SUSD1: variants seen among roughly 807,000 people sequenced by gnomAD.
SUSD1 encodes the protein sushi domain containing 1.
Under a neutral mutation model 86.9 loss-of-function variants are expected in SUSD1, and 65 were observed. The observed-to-expected ratio is 0.75, with a 90% CI of 0.61 to 0.92. The LOEUF is 0.92. Ranked by LOEUF, SUSD1 falls within the 40% of genes least tolerant of loss-of-function variation. The pLI is 0.00. For missense variants in SUSD1, 850 were observed against 929.7 expected (o/e 0.91, Z 1.11); for synonymous variants, 346 against 350.0 (o/e 0.99, Z 0.13).
intron 5 of SUSD1, among the ~76,000 whole-genome samples, chr9:112,125,268 A>C (rs1831723980): frequency 6.6e-6 from 1 of 152,216 alleles, no homozygotes; most frequent in Admixed American, 6.5e-5. Context: ...TAATCGTTTA[A>C]ATGTGACTGT....
chr9:112,135,556 T>C (rs1043321759), intron 5 of SUSD1, among the ~76,000 whole-genome samples: 2 of 152,252 alleles, frequency 1.3e-5, no homozygotes, highest in Non-Finnish European at 2.9e-5. Flanking sequence ...GAGCTGCATA[T>C]GAATATTTCT....
intron 6 of SUSD1, among the ~76,000 whole-genome samples, chr9:112,117,922 G>A (rs1831395848): frequency 1.3e-5 from 2 of 152,206 alleles, no homozygotes; most frequent in Non-Finnish European, 2.9e-5. Context: ...CTACAGTGAA[G>A]TGGGGGTGTT....
chr9:112,145,139 A>C (rs1227749057), intron 3 of SUSD1, among the ~76,000 whole-genome samples: 2 of 152,186 alleles, frequency 1.3e-5, no homozygotes, highest in Non-Finnish European at 2.9e-5. Flanking sequence ...TGGAGAAAAC[A>C]AAAAAGCACC....
At chr9:112,155,945 A>C (rs1185944268) in intron 2 of SUSD1, among the ~76,000 whole-genome samples, 1 of 150,336 alleles carries the variant, frequency 6.7e-6, no homozygotes, top group African/African-American at 2.4e-5. Context: ...GAGAAGGAGG[A>C]AGGATGGAAG....
At position 112,143,480 on chromosome 9, in the gene SUSD1, A is replaced by G. The variant is rs1832671960; in HGVS notation, c.517T>C (p.Ser173Pro). The G allele has an allele frequency of 1.5e-5, 25 of 1,613,160 alleles. No homozygotes were observed. Among genetic ancestry groups the G allele is most frequent in the Non-Finnish European group, 1.9e-5 (23 of 1,179,762 alleles). The change falls in exon 4 of 17, where the codon TCA (serine) becomes CCA (proline). Residue 173 changes from serine (S) to proline (P), a missense_variant. Coordinates refer to ENST00000374270, the MANE Select transcript of SUSD1 (RefSeq NM_022486.5). Reference sequence around the variant, plus strand: ...TTTGGCAGAAACCCACCTGTGCATGATGTGGCATCGGTGGTCGGGTGGAAA... The same window carrying G: ...TTTGGCAGAAACCCACCTGTGCATGGTGTGGCATCGGTGGTCGGGTGGAAA... The part of the protein sequence containing the change: ...EPFHPTTDAT[S>P]CTEIDCGTPP...
At chr9:112,047,864 C>T (rs1173397651) in intron 15 of SUSD1, among the ~76,000 whole-genome samples, 1 of 152,184 alleles carries the variant, frequency 6.6e-6, no homozygotes, top group African/African-American at 2.4e-5. Flanking sequence ...GTACTATGCT[C>T]TTGAACTTCC....
At chr9:112,079,656 T>C (rs1370146732) in intron 11 of SUSD1, among the ~76,000 whole-genome samples, 2 of 151,646 alleles carry the variant, frequency 1.3e-5, no homozygotes, top group Non-Finnish European at 2.9e-5. Flanking sequence ...AGGCTGGGGT[T>C]CAGTGGCGCG....
At chr9:112,143,675 A>G in intron 3 of SUSD1, 52 bp from the exon 4 acceptor site, 1 of 1,541,756 alleles carries the variant, frequency 6.5e-7, no homozygotes, top group Non-Finnish European at 8.7e-7. Context: ...AAAAAAGAAA[A>G]AAAAAAGGAG....
chr9:112,101,223 A>G (rs1179529809), intron 9 of SUSD1, among the ~76,000 whole-genome samples: 1 of 152,022 alleles, frequency 6.6e-6, no homozygotes, highest in Non-Finnish European at 1.5e-5. Flanking sequence ...TCAGCAGGGC[A>G]TAGTGGTGCA....
At chr9:112,048,495 C>T (rs1828051601) in intron 15 of SUSD1, among the ~76,000 whole-genome samples, 2 of 152,102 alleles carry the variant, frequency 1.3e-5, no homozygotes, top group South Asian at 4.1e-4. Context: ...AGTATTGCAC[C>T]TCCTATGCTT....
chr9:112,069,901 C>T (rs1829183570), intron 12 of SUSD1, among the ~76,000 whole-genome samples: 1 of 152,168 alleles, frequency 6.6e-6, no homozygotes, highest in African/African-American at 2.4e-5. Flanking sequence ...TTCAAGGCAC[C>T]ACAGTCATCT....
At chr9:112,047,015 C>T (rs1827984252) in intron 15 of SUSD1, among the ~76,000 whole-genome samples, 1 of 152,182 alleles carries the variant, frequency 6.6e-6, no homozygotes, top group East Asian at 1.9e-4. Context: ...GTTCTCTGCT[C>T]AGGGCCTGTA....
rs559572167 is a variant in SUSD1 at position 112,073,477 on chromosome 9, C to T, written c.1753+5061G>A. On this transcript the variant is annotated intron_variant, in intron 12 of 16. Coordinates refer to ENST00000374270, the MANE Select transcript of SUSD1 (RefSeq NM_022486.5). ...TTTCTCACGCTCACTCTCTCTCTCT[C>T]TCTTTCTCTCTCTTCCCCACCCCGC... Among the ~76,000 whole-genome samples, 3 of 152,120 alleles carry T rather than the reference C, an allele frequency of 2.0e-5. No individual in the cohort carries two copies. In the South Asian group the frequency reaches 6.2e-4, roughly 32 times the overall value.
At chr9:112,167,826 G>A (rs1485475066) in intron 1 of SUSD1, among the ~76,000 whole-genome samples, 3 of 152,200 alleles carry the variant, frequency 2.0e-5, no homozygotes, top group Non-Finnish European at 2.9e-5. Flanking sequence ...AGAAAACGAG[G>A]TTTAATGGAC....
intron 8 of SUSD1, among the ~76,000 whole-genome samples, chr9:112,108,774 C>CAAAAAAAAA (rs11312103): frequency 1.5e-3 from 101 of 67,846 alleles, no homozygotes; most frequent in Middle Eastern, 7.4e-3. Flanking sequence ...CTGGGTGTCT[C>CAAAAAAAAA]AAAAAAAAAA....
At chr9:112,105,757 G>A (rs12686374) in intron 8 of SUSD1, among the ~76,000 whole-genome samples, 17,823 of 152,170 alleles carry the variant, frequency 0.12, 1,347 homozygotes, top group Admixed American at 0.2. Flanking sequence ...TACTAGGAAA[G>A]CTCAGTGCAA....
chr9:112,081,456 C>A (rs545494478), intron 10 of SUSD1, among the ~76,000 whole-genome samples: 12 of 152,158 alleles, frequency 7.9e-5, no homozygotes, highest in Non-Finnish European at 1.5e-4. Flanking sequence ...TGGTAAGGAA[C>A]AGGAGGAGTA....
chr9:112,089,679 G>A (rs1032633432), intron 10 of SUSD1, among the ~76,000 whole-genome samples: 3 of 151,936 alleles, frequency 2.0e-5, no homozygotes, highest in Admixed American at 1.3e-4. Flanking sequence ...GGGCGTGGTG[G>A]TACATGCCTG....
intron 10 of SUSD1, among the ~76,000 whole-genome samples, chr9:112,086,560 A>AAGAGAG (rs71382404): frequency 1.0e-4 from 14 of 136,240 alleles, no homozygotes; most frequent in African/African-American, 3.2e-4. Context: ...GAAAGAAAGA[A>AAGAGAG]AGAGAGAGAG....
Sources: allele counts gnomAD v4.1 joint callset (sites outside exome capture counted in the v4.1 genomes callset), GRCh38; gene constraint gnomAD v4.1.1; transcripts MANE v1.5; gene names NCBI Gene and HGNC (gene_info 2026-07-23, HGNC 2026-07-21).